The following ZNF33B variants were observed in gnomAD, a reference collection of about 807,000 sequenced individuals.
ZNF33B encodes the protein zinc finger protein 11b (KOX 2).
ZNF33B carries 29 observed loss-of-function variants against 45.8 expected under a neutral mutation model. The observed-to-expected ratio is 0.63, with a 90% CI of 0.47 to 0.86. The LOEUF is 0.86. Among genes scored for constraint, ZNF33B ranks in the 40% least tolerant of loss-of-function variants. The pLI, the probability that ZNF33B is intolerant of heterozygous loss-of-function variation, is 0.00. For missense variants in ZNF33B, 831 were observed against 909.9 expected (o/e 0.91, Z 1.12); for synonymous variants, 305 against 307.8 (o/e 0.99, Z 0.10).
At chr10:42,574,250 C>G (rs1836714927) in exon 2 of ZNF33B, 1 of 151,322 alleles carries the variant, frequency 6.6e-6, no homozygotes, top group African/African-American at 2.4e-5. Context: ...CCACCACCTA[C>G]AGCCTCTCCT....
rs1329023611 is a variant in ZNF33B at position 42,592,617 on chromosome 10, T to G, written c.2333A>C (p.Glu778Ala). 1.2e-6 allele frequency: 2 copies of G among 1,611,276 alleles called. No individual in the cohort carries two copies. The highest frequency in any genetic ancestry group is 3.4e-5 in the Admixed American group (2 of 59,688). ...TGGAAATTTCTAATATCCAATTCATTCATAAGGTTTTTCTCCTATGTGTGT... is the reference window on the plus strand; with the variant it reads ...TGGAAATTTCTAATATCCAATTCATGCATAAGGTTTTTCTCCTATGTGTGT... ...QRTHIGEKPY[E>A] The change falls in exon 5 of 5, where the codon GAA (glutamate) becomes GCA (alanine). Residue 778 changes from glutamate (E) to alanine (A), a missense_variant. Physicochemically the swap from Glu to Ala is moderately radical, Grantham distance 107. Transcript: ENST00000359467.
In ZNF33B at chr10:42,593,694, C is replaced by T. The variant is rs770208975; in HGVS notation, c.1256G>A (p.Gly419Glu). 3 of 1,613,592 alleles carry T rather than the reference C, an allele frequency of 1.9e-6. No homozygotes were observed. Among genetic ancestry groups the T allele is most frequent in the Non-Finnish European group, 2.5e-6 (3 of 1,179,634 alleles). The change falls in exon 5 of 5, where the codon GGG becomes GAG. Residue 419 changes from glycine to glutamate, a missense_variant. Gly to Glu is a moderately conservative substitution (Grantham distance 98). Coordinates refer to ENST00000359467, the MANE Select transcript of ZNF33B (RefSeq NM_006955.3). ...GTCAGATTTCTGGTAAAAAGTTTTC[C>T]CACATGCATTACACTGATAGGGTTT... ...GEKPYQCNAC[G>E]KTFYQKSDLT...
At chr10:42,626,702 T>TAAAC (rs1446334202) in intron 4 of ZNF33B, among the ~76,000 whole-genome samples, 2 of 150,388 alleles carry the variant, frequency 1.3e-5, no homozygotes, top group East Asian at 3.9e-4. Flanking sequence ...AATAAATAAA[T>TAAAC]AAATAAATAA....
chr10:42,612,080 C>T (rs1233310383), intron 4 of ZNF33B, among the ~76,000 whole-genome samples: 1 of 151,628 alleles, frequency 6.6e-6, no homozygotes, highest in African/African-American at 2.4e-5. Flanking sequence ...AGGTTTCCTG[C>T]AGATTTTTTT....
downstream of ZNF33B, among the ~76,000 whole-genome samples, chr10:42,584,974 G>C (rs559864967): frequency 6.6e-6 from 1 of 152,190 alleles, no homozygotes; most frequent in East Asian, 1.9e-4. Flanking sequence ...CTAGGGCTTC[G>C]GGTTTAGGAG....
chr10:42,631,324 G>A (rs1839043258), intron 4 of ZNF33B, among the ~76,000 whole-genome samples: 1 of 152,078 alleles, frequency 6.6e-6, no homozygotes, highest in African/African-American at 2.4e-5. Flanking sequence ...TCCTGCCTCA[G>A]CCTCCCAAGT....
chr10:42,631,798 C>T, intron 4 of ZNF33B, 131 bp downstream of exon 4: 3 of 736,396 alleles, frequency 4.1e-6, no homozygotes, highest in Admixed American at 2.3e-5. Context: ...CAGTATTCTC[C>T]ATCACTTCCA....
At chr10:42,601,468 G>GTTTTTTTTTTTTTTTTTTTTTTTTTTT (rs57196690) in intron 4 of ZNF33B, among the ~76,000 whole-genome samples, 2 of 79,444 alleles carry the variant, frequency 2.5e-5, no homozygotes, top group African/African-American at 5.0e-5. Context: ...ACATGGGCTT[G>GTTTTTTTTTTTTTTTTTTTTTTTTTTT]TTTTTTTTTT....
intron 4 of ZNF33B, among the ~76,000 whole-genome samples, chr10:42,607,086 T>G (rs1456507528): frequency 2.0e-5 from 3 of 152,224 alleles, no homozygotes; most frequent in Admixed American, 6.5e-5. Flanking sequence ...AACAATGTAT[T>G]GTTGGGTTTT....
intron 4 of ZNF33B, among the ~76,000 whole-genome samples, chr10:42,601,594 C>T (rs1329881614): frequency 6.6e-6 from 1 of 150,858 alleles, no homozygotes; most frequent in Non-Finnish European, 1.5e-5. Context: ...CTGCCTCAGC[C>T]TCCTGAGTAG....
At chr10:42,609,340 G>A (rs1477442691) in intron 4 of ZNF33B, among the ~76,000 whole-genome samples, 3 of 152,038 alleles carry the variant, frequency 2.0e-5, no homozygotes, top group Non-Finnish European at 4.4e-5. Context: ...AATTGCCTGA[G>A]CCTGGGAAGT....
intron 4 of ZNF33B, among the ~76,000 whole-genome samples, chr10:42,596,926 T>C (rs1172842061): frequency 6.6e-6 from 1 of 151,976 alleles, no homozygotes; most frequent in Non-Finnish European, 1.5e-5. Context: ...TTCTTTTTCT[T>C]CCTTGGTTAT....
chr10:42,594,851 A>G, intron 4 of ZNF33B, 152 bp from the exon 5 acceptor site: 1 of 957,912 alleles, frequency 1.0e-6, no homozygotes. Context: ...ATTTTTTTGT[A>G]TTTCATGAGT....
intron 1 of ZNF33B, chr10:42,583,076 A>T (rs752107295): frequency 1.2e-6 from 1 of 821,966 alleles, no homozygotes; most frequent in Non-Finnish European, 2.1e-6. Context: ...CCAGCACTGC[A>T]AGGGTTTAAT....
intron 1 of ZNF33B, chr10:42,583,486 G>C (rs1017122764): frequency 9.5e-5 from 24 of 253,402 alleles, no homozygotes; most frequent in Admixed American, 3.8e-4. Flanking sequence ...AAGAAGTTGA[G>C]AGTTCTTTGT....
intron 2 of ZNF33B, among the ~76,000 whole-genome samples, chr10:42,634,496 G>A (rs1161749311): frequency 6.6e-6 from 1 of 152,120 alleles, no homozygotes; most frequent in African/African-American, 2.4e-5. Context: ...AACAATATTT[G>A]TATGGAAATG....
chr10:42,590,430 G>C lies in ZNF33B; in HGVS notation c.*2183C>G, dbSNP rs1837073049. ...GATGGAGTCTCACTCTGTCACCCAG[G>C]CTGGAGTACAGTGGCACAATCTTGG... is the stretch of plus-strand genomic sequence containing the variant. On this transcript the variant is annotated 3_prime_UTR_variant, in exon 5 of 5. Coordinates refer to ENST00000359467, the MANE Select transcript of ZNF33B (RefSeq NM_006955.3). 6.6e-6 allele frequency: 1 copy of C among 152,056 alleles called. No individual in the cohort carries two copies. Among genetic ancestry groups the C allele is most frequent in the Non-Finnish European group, 1.5e-5 (1 of 68,048 alleles). 9.4% of individuals were successfully genotyped at this position (152,056 alleles called of 1,614,324 possible).
intron 4 of ZNF33B, among the ~76,000 whole-genome samples, chr10:42,610,869 AAGTT>A (rs1357905382): frequency 1.3e-5 from 2 of 152,232 alleles, no homozygotes; most frequent in African/African-American, 2.4e-5. Flanking sequence ...AAGAAGTAGA[AAGTT>A]AGAAGACATA....
At chr10:42,630,281 T>C (rs1391968425) in intron 4 of ZNF33B, among the ~76,000 whole-genome samples, 2 of 152,282 alleles carry the variant, frequency 1.3e-5, no homozygotes, top group East Asian at 3.9e-4. Context: ...TTCCCCTCAG[T>C]ACTTGAGAAA....
Sources: allele counts gnomAD v4.1 joint callset (sites outside exome capture counted in the v4.1 genomes callset), GRCh38; gene constraint gnomAD v4.1.1; transcripts MANE v1.5; gene names NCBI Gene and HGNC (gene_info 2026-07-23, HGNC 2026-07-21).